The following CDYL variants were observed in gnomAD, a reference collection of about 807,000 sequenced individuals.
CDYL encodes the protein chromodomain Y like.
Under a neutral mutation model 47.3 loss-of-function variants are expected in CDYL, and 8 were observed. That is an observed-to-expected ratio of 0.17 (90% CI 0.10 to 0.31). CDYL has a LOEUF of 0.31. CDYL is among the 10% of genes least tolerant of loss of function. CDYL has a pLI of 1.00. For synonymous variants in CDYL, 266 were observed against 265.0 expected (o/e 1.00, Z -0.04); for missense variants, 471 against 701.4 (o/e 0.67, Z 3.71).
Position 4,751,046 on chromosome 6 carries a change from A to G in CDYL, c.186+16202A>G, listed in dbSNP as rs560076485. Among the ~76,000 whole-genome samples the G allele has an allele frequency of 2.5e-3, 386 of 151,882 alleles. 1 individual carries two copies. Among genetic ancestry groups the G allele is most frequent in the African/African-American group, 7.6e-3 (315 of 41,410 alleles). On this transcript the variant is annotated intron_variant, in intron 3 of 8. Coordinates refer to the CDYL transcript ENST00000328908. ...TTTTTGTATATTTTTTAGTAGAGAC[A>G]GGGTTTCACCATGTTAGCCAGGATG...
At chr6:4,828,167 C>T (rs1561657192) in intron 1 of CDYL, among the ~76,000 whole-genome samples, 1 of 150,236 alleles carries the variant, frequency 6.7e-6, no homozygotes, top group African/African-American at 2.4e-5. Flanking sequence ...TTTTATTTAT[C>T]TGGGAATGTC....
chr6:4,903,755 C>CCTGAGTATCTTCCGTGGCTT (rs1757141997), intron 2 of CDYL, among the ~76,000 whole-genome samples: 1 of 152,194 alleles, frequency 6.6e-6, no homozygotes, highest in Non-Finnish European at 1.5e-5. Flanking sequence ...GTTGCTGGCT[C>CCTGAGTATCTTCCGTGGCTT]CTGAGTATCT....
At chr6:4,791,298 A>C (rs1237358627) in intron 1 of CDYL, among the ~76,000 whole-genome samples, 1 of 152,228 alleles carries the variant, frequency 6.6e-6, no homozygotes, top group East Asian at 1.9e-4. Context: ...GCTGGGCCCT[A>C]GTGATGAAAT....
intron 1 of CDYL, among the ~76,000 whole-genome samples, chr6:4,802,114 T>A (rs73362552): frequency 0.036 from 5,471 of 152,286 alleles, 331 homozygotes; most frequent in African/African-American, 0.12. Context: ...CAGCAATAGC[T>A]GTGGGAGTTG....
upstream of CDYL, among the ~76,000 whole-genome samples, chr6:4,775,974 C>A (rs990111218): frequency 4.0e-5 from 6 of 149,714 alleles, no homozygotes; most frequent in Admixed American, 4.0e-4. This position sits in a 1 kb window ranked among gnomAD's most constrained non-coding sequence, Gnocchi z 7.0. Flanking sequence ...CCTGCCCCAT[C>A]TCGGGTCCGT....
chr6:4,801,895 C>T (rs540883444), intron 1 of CDYL, among the ~76,000 whole-genome samples: 1 of 152,296 alleles, frequency 6.6e-6, no homozygotes, highest in East Asian at 1.9e-4. Context: ...TTTCACCGTG[C>T]TGCTTGTGGT....
intron 3 of CDYL, among the ~76,000 whole-genome samples, chr6:4,756,587 T>TGTCTGTGTGTGG (rs1470984066): frequency 6.8e-6 from 1 of 146,910 alleles, no homozygotes; most frequent in African/African-American, 2.5e-5. Flanking sequence ...TGTATGTGTG[T>TGTCTGTGTGTGG]GTGTGTGTGT....
intron 1 of CDYL, among the ~76,000 whole-genome samples, chr6:4,822,393 T>G (rs1227903235): frequency 6.6e-6 from 1 of 150,516 alleles, no homozygotes; most frequent in East Asian, 1.9e-4. Context: ...TAAAAAGCAT[T>G]AACAAAGCTA....
At chr6:4,749,944 T>A (rs1235677239) in intron 3 of CDYL, among the ~76,000 whole-genome samples, 1 of 152,170 alleles carries the variant, frequency 6.6e-6, no homozygotes, top group African/African-American at 2.4e-5. Flanking sequence ...AGATTTCCCA[T>A]GTACTGAGGA....
intron 2 of CDYL, among the ~76,000 whole-genome samples, chr6:4,732,081 T>C (rs1017324838): frequency 2.0e-5 from 3 of 152,164 alleles, no homozygotes; most frequent in Non-Finnish European, 2.9e-5. Flanking sequence ...ATCCCTGTAA[T>C]CCCAGCACTC....
At chr6:4,798,641 T>C (rs1759141675) in intron 1 of CDYL, among the ~76,000 whole-genome samples, 1 of 152,242 alleles carries the variant, frequency 6.6e-6, no homozygotes, top group Non-Finnish European at 1.5e-5. Context: ...TATGTCAGTC[T>C]ATAATTTTCT....
intron 3 of CDYL, among the ~76,000 whole-genome samples, chr6:4,745,474 C>T (rs923089264): frequency 6.6e-6 from 1 of 152,022 alleles, no homozygotes. Context: ...CGGTAGCTCA[C>T]GCCTGTAATC....
intron 3 of CDYL, among the ~76,000 whole-genome samples, chr6:4,753,232 T>C (rs559684632): frequency 6.6e-6 from 1 of 152,250 alleles, no homozygotes; most frequent in South Asian, 2.1e-4. Context: ...TTTTTAATGA[T>C]CTTTATTGTT....
chr6:4,848,554 C>T (rs957977274), intron 1 of CDYL, among the ~76,000 whole-genome samples: 100 of 152,252 alleles, frequency 6.6e-4, no homozygotes, highest in African/African-American at 2.3e-3. Context: ...TGAAGGTCTT[C>T]GACACAGGAG....
chr6:4,885,207 T>C (rs912522648), intron 1 of CDYL, among the ~76,000 whole-genome samples: 3 of 152,184 alleles, frequency 2.0e-5, no homozygotes, highest in East Asian at 1.9e-4. Context: ...TTGTCCAGGC[T>C]GGCCTCAAAC....
At chr6:4,869,065 C>A (rs1442195591) in intron 1 of CDYL, among the ~76,000 whole-genome samples, 1 of 150,932 alleles carries the variant, frequency 6.6e-6, no homozygotes. Flanking sequence ...CATATGGTTG[C>A]TTTAAAAAAA....
At chr6:4,745,763 G>T (rs1455076041) in intron 3 of CDYL, among the ~76,000 whole-genome samples, 1 of 152,140 alleles carries the variant, frequency 6.6e-6, no homozygotes, top group African/African-American at 2.4e-5. Flanking sequence ...TGGTCTCATG[G>T]GGAAGTGAGG....
intron 1 of CDYL, among the ~76,000 whole-genome samples, chr6:4,814,886 A>T (rs1255681933): frequency 6.6e-6 from 1 of 152,194 alleles, no homozygotes; most frequent in Non-Finnish European, 1.5e-5. Context: ...AGCTTGTTGT[A>T]GGGTTTTGAT....
chr6:4,785,206 A>C (rs1758724364), intron 1 of CDYL, among the ~76,000 whole-genome samples: 2 of 152,170 alleles, frequency 1.3e-5, no homozygotes, highest in South Asian at 2.1e-4. Flanking sequence ...TACAACATTG[A>C]TGTTTGTGTA....
Sources: gnomAD v4.1 joint callset for allele counts (sites outside exome capture counted in the v4.1 genomes callset) on GRCh38, gnomAD v4.1.1 for gene constraint, Gnocchi (gnomAD v3.1) non-coding constraint, MANE v1.5 for transcripts, NCBI Gene and HGNC (gene_info 2026-07-23, HGNC 2026-07-21) for gene names.